Variants in MED13 observed in about 807,000 individuals in gnomAD.
The protein encoded by MED13 is mediator of RNA polymerase II transcription subunit 13.
Under a neutral mutation model 225.2 loss-of-function variants are expected in MED13, and 23 were observed. That is an observed-to-expected ratio of 0.10 (90% confidence interval 0.07 to 0.14). MED13 has a LOEUF of 0.14. MED13 is among the 10% of genes least tolerant of loss of function. MED13 has a pLI of 1.00. For synonymous variants in MED13, 942 were observed against 889.2 expected, an observed-to-expected ratio of 1.06 and a Z score of -1.06; for missense variants, 2,197 against 2,594.5, an observed-to-expected ratio of 0.85 and a Z score of 3.33.
intron 16 of MED13, among the ~76,000 whole-genome samples, chr17:61,976,290 A>G (rs1206452507): frequency 6.6e-6 from 1 of 152,242 alleles, no homozygotes; most frequent in African/African-American, 2.4e-5. Flanking sequence ...GAAAGCGAAA[A>G]AAGCCAGTCA....
At position 61,945,069 on chromosome 17, in the gene MED13, A is replaced by AGT. The variant is rs2079842305; in HGVS notation, c.*1398_*1399insAC. On this transcript the variant is annotated 3_prime_UTR_variant, in exon 30 of 30. Transcript: ENST00000397786. Reference sequence around the variant, plus strand: ...TCTGAGCTGTGTTATAGAAAAGTACAGACTCTGGTGTTTGGGACTGACATC... The same window carrying AGT: ...TCTGAGCTGTGTTATAGAAAAGTACAGTGACTCTGGTGTTTGGGACTGACATC... The AGT allele has an allele frequency of 6.6e-6, 1 of 152,638 alleles. No homozygotes were observed. The highest frequency in any genetic ancestry group is 1.5e-5 in the Non-Finnish European group (1 of 68,040). The allele number at this position is 152,638 out of a possible 1,614,324, so 9.5% of individuals were successfully genotyped here. A position where few individuals can be genotyped will look rare whatever the true frequency, so the allele number is the denominator to read the frequency against.
intron 23 of MED13, among the ~76,000 whole-genome samples, chr17:61,959,997 G>A (rs538650773): frequency 7.2e-5 from 11 of 152,024 alleles, no homozygotes; most frequent in Admixed American, 4.6e-4. Context: ...AAAGTGCTGG[G>A]ATTACAAGCA....
chr17:62,019,986 C>T (rs933635627), intron 8 of MED13, among the ~76,000 whole-genome samples: 5 of 151,994 alleles, frequency 3.3e-5, no homozygotes, highest in Non-Finnish European at 5.9e-5. Flanking sequence ...CCCTGTGATC[C>T]GCCCGCCTCG....
intron 18 of MED13, among the ~76,000 whole-genome samples, chr17:61,966,975 ATAAG>A (rs1249590266): frequency 6.6e-6 from 1 of 152,230 alleles, no homozygotes; most frequent in Admixed American, 6.5e-5. Context: ...GAATGCAGAC[ATAAG>A]TGAGCATAAA....
In MED13 at chr17:61,984,255, T is replaced by C; in HGVS notation, c.2804A>G (p.Glu935Gly). 1 of 1,612,016 alleles carries C rather than the reference T, an allele frequency of 6.2e-7. No homozygotes were observed. Among genetic ancestry groups the C allele is most frequent in the South Asian group, 1.1e-5 (1 of 90,696 alleles). ...CCAACTCTGACGGTAAATACACTCT[T>C]CTGGCAATTTGATAGGGGGCAGATA... ...SQYLPPIKLP[E>G]ECIYRQSWTV... Residue 935 changes from glutamate (E) to glycine (G), a missense_variant, in exon 15 of 30, where the codon GAA becomes GGA. Glu to Gly is a moderately conservative substitution (Grantham distance 98). Coordinates refer to ENST00000397786, the MANE Select transcript of MED13 (RefSeq NM_005121.3).
chr17:61,957,644 G>A (rs1354067308), intron 23 of MED13, among the ~76,000 whole-genome samples: 1 of 151,380 alleles, frequency 6.6e-6, no homozygotes, highest in Non-Finnish European at 1.5e-5. Flanking sequence ...CACCCTGCTT[G>A]ACCCAGCAAA....
intron 2 of MED13, among the ~76,000 whole-genome samples, chr17:62,058,005 T>C (rs961700876): frequency 1.3e-5 from 2 of 152,010 alleles, no homozygotes; most frequent in African/African-American, 2.4e-5. Context: ...GAACACAGAA[T>C]AAAAATACAC....
intron 3 of MED13, among the ~76,000 whole-genome samples, chr17:62,041,964 TA>T (rs2080856529): frequency 6.6e-6 from 1 of 152,218 alleles, no homozygotes; most frequent in Admixed American, 6.5e-5. Context: ...TAGGATCTTC[TA>T]AAATTTCCAA....
intron 19 of MED13, 41 bp from the exon 20 acceptor site, chr17:61,965,509 C>T: frequency 1.3e-6 from 2 of 1,530,688 alleles, no homozygotes; most frequent in Non-Finnish European, 1.8e-6. Flanking sequence ...TTCTTTATTT[C>T]ACTGACTGGT....
At chr17:62,015,931 TATATATATATATATATATATA>T (rs2080566743) in intron 8 of MED13, among the ~76,000 whole-genome samples, 1 of 7,300 alleles carries the variant, frequency 1.4e-4, no homozygotes, top group Non-Finnish European at 3.4e-4. Context: ...TATATATATA[TATATATATATATATATATATA>T]TATTTTTTTT....
rs374653384 is a variant in MED13, at chr17:61,946,885, G to A, written c.6392+32C>T. Reference sequence around the variant, plus strand: ...AACATTATATTCTTTTAAAGTTGCAGTGACAAACTGTTAATGGTAAAAGAG... The same window carrying A: ...AACATTATATTCTTTTAAAGTTGCAATGACAAACTGTTAATGGTAAAAGAG... On this transcript the variant is annotated intron_variant, in intron 29 of 29. Transcript: ENST00000397786. The A allele has an allele frequency of 8.6e-5, 132 of 1,531,214 alleles. No individual in the cohort carries two copies. In the African/African-American group the frequency reaches 1.5e-3, roughly 18 times the overall value. 94.9% of individuals were successfully genotyped at this position (1,531,214 alleles called of 1,614,324 possible).
chr17:61,969,700 C>T (rs1260797938), intron 17 of MED13, among the ~76,000 whole-genome samples: 2 of 152,006 alleles, frequency 1.3e-5, no homozygotes, highest in Non-Finnish European at 2.9e-5. Flanking sequence ...CTCCTGGGTT[C>T]AAGCAATTAT....
At chr17:62,060,985 G>A (rs2081034824) in intron 2 of MED13, among the ~76,000 whole-genome samples, 1 of 151,958 alleles carries the variant, frequency 6.6e-6, no homozygotes, top group Non-Finnish European at 1.5e-5. Flanking sequence ...AGGCGTGAGT[G>A]AGCCATGGCA....
chr17:61,955,575 T>C lies in MED13; in HGVS notation c.5783-8A>G, dbSNP rs779178322. 6.5e-6 allele frequency: 10 copies of C among 1,547,158 alleles called. No homozygotes were observed. In the Admixed American group the frequency reaches 2.0e-4, roughly 31 times the overall value. ...AACCAGTTGACACAGAATCTGAAAA[T>C]GAAAGACATTTTTTCTTTTAATAAA... On this transcript the variant is annotated splice_region_variant and splice_polypyrimidine_tract_variant and intron_variant, in intron 25 of 29. Coordinates refer to ENST00000397786, the MANE Select transcript of MED13 (RefSeq NM_005121.3).
intron 21 of MED13, among the ~76,000 whole-genome samples, chr17:61,962,250 C>T (rs2080007276): frequency 6.6e-6 from 1 of 152,132 alleles, no homozygotes; most frequent in Non-Finnish European, 1.5e-5. Flanking sequence ...CACGCCACTG[C>T]ACTCCAGTCT....
intron 3 of MED13, among the ~76,000 whole-genome samples, chr17:62,051,313 C>T (rs1229223819): frequency 1.3e-5 from 2 of 152,166 alleles, no homozygotes; most frequent in Non-Finnish European, 2.9e-5. Flanking sequence ...AGGTGCAACA[C>T]ACGGGAGGAC....
rs1363432193 is a variant in MED13, at chr17:62,023,395, A to T, written c.1283+6146T>A. ...CTATGACTTCTAGCACTGAAAGGAC[A>T]ATAAGATGATGTAGTCTCACCATAT... is the stretch of plus-strand genomic sequence containing the variant. On this transcript the variant is annotated intron_variant, in intron 8 of 29. Coordinates refer to ENST00000397786, the MANE Select transcript of MED13 (RefSeq NM_005121.3). Among the ~76,000 whole-genome samples, 8 of 152,196 alleles carry T rather than the reference A, an allele frequency of 5.3e-5. 1 individual carries two copies. The highest frequency in any genetic ancestry group is 1.5e-5 in the Non-Finnish European group (1 of 68,030).
chr17:62,018,270 C>G (rs1007193084), intron 8 of MED13, among the ~76,000 whole-genome samples: 1 of 151,722 alleles, frequency 6.6e-6, no homozygotes, highest in Non-Finnish European at 1.5e-5. Context: ...TTCAACCAAC[C>G]AGAGATGAAA....
At chr17:62,052,840 A>G in intron 2 of MED13, 135 bp from the exon 3 acceptor site, 1 of 510,192 alleles carries the variant, frequency 2.0e-6, no homozygotes, top group Non-Finnish European at 3.3e-6. Context: ...AATCACTTCA[A>G]TGTATCTCTA....
Sources: allele counts gnomAD v4.1 joint callset (sites outside exome capture counted in the v4.1 genomes callset), GRCh38; gene constraint gnomAD v4.1.1; transcripts MANE v1.5; gene names NCBI Gene and HGNC (gene_info 2026-07-23, HGNC 2026-07-21).